Variants in SOX5 observed in about 807,000 individuals in gnomAD.
SOX5 encodes SRY-box transcription factor 5, also known as transcription factor SOX-5.
Under a neutral mutation model 92.0 loss-of-function variants are expected in SOX5, and 9 were observed. That is an observed-to-expected ratio of 0.10 (90% confidence interval 0.06 to 0.17). The LOEUF (loss-of-function observed/expected upper bound fraction) is 0.17, where lower values mean the gene tolerates loss of function less well. Among genes scored for constraint, SOX5 ranks in the 10% least tolerant of loss-of-function variants. SOX5 has a pLI of 1.00. For missense variants in SOX5, 642 were observed against 944.5 expected, an observed-to-expected ratio of 0.68 and a Z score of 4.20; for synonymous variants, 344 against 336.3, an observed-to-expected ratio of 1.02 and a Z score of -0.25.
intron 4 of SOX5, among the ~76,000 whole-genome samples, chr12:24,080,351 G>T (rs2137588978): frequency 6.6e-6 from 1 of 152,034 alleles, no homozygotes; most frequent in Admixed American, 6.6e-5. Context: ...ATAAATAAAT[G>T]TTGAATATCA....
At chr12:24,442,396 T>G (rs1227118159) in intron 1 of SOX5, among the ~76,000 whole-genome samples, 1 of 152,176 alleles carries the variant, frequency 6.6e-6, no homozygotes, top group Non-Finnish European at 1.5e-5. Context: ...GAACATTATA[T>G]TCTAGTGAGC....
intron 2 of SOX5, among the ~76,000 whole-genome samples, chr12:24,277,657 T>C (rs1944658017): frequency 6.6e-6 from 1 of 151,084 alleles, no homozygotes; most frequent in South Asian, 2.1e-4. Flanking sequence ...CTTGGCATTA[T>C]AAAGCCACCA....
intron 3 of SOX5, among the ~76,000 whole-genome samples, chr12:24,264,715 G>A (rs760640305): frequency 4.9e-4 from 75 of 152,136 alleles, no homozygotes; most frequent in Non-Finnish European, 2.1e-4. Flanking sequence ...AAATGTATCT[G>A]TAAATTCATG....
At chr12:24,341,100 A>G (rs2141068711) in intron 2 of SOX5, among the ~76,000 whole-genome samples, 1 of 152,344 alleles carries the variant, frequency 6.6e-6, no homozygotes, top group Middle Eastern at 3.4e-3. Context: ...TTGGGTTGTG[A>G]GGTAATTTCA....
At chr12:24,342,390 A>G (rs976290323) in intron 2 of SOX5, among the ~76,000 whole-genome samples, 3 of 152,186 alleles carry the variant, frequency 2.0e-5, no homozygotes, top group Non-Finnish European at 4.4e-5. Context: ...TCATTATCCT[A>G]TTAGATCTCT....
chr12:24,241,655 T>A (rs1965585963), intron 3 of SOX5, among the ~76,000 whole-genome samples: 1 of 152,198 alleles, frequency 6.6e-6, no homozygotes, highest in South Asian at 2.1e-4. Flanking sequence ...CTGAAAAATG[T>A]ACTTCACTTT....
At chr12:23,878,346 A>G (rs2096951471) in intron 2 of SOX5, among the ~76,000 whole-genome samples, 2 of 152,038 alleles carry the variant, frequency 1.3e-5, no homozygotes, top group Admixed American at 6.6e-5. Flanking sequence ...GTTTCTGTCA[A>G]CACCTCATAT....
chr12:24,414,615 G>A (rs1236509514), intron 1 of SOX5, among the ~76,000 whole-genome samples: 1 of 152,180 alleles, frequency 6.6e-6, no homozygotes, highest in Admixed American at 6.5e-5. Context: ...ACCCAGAGGT[G>A]CCACATGTGA....
chr12:24,561,498 A>G (rs1954333707), intron 1 of SOX5, among the ~76,000 whole-genome samples: 2 of 152,214 alleles, frequency 1.3e-5, no homozygotes, highest in South Asian at 4.1e-4. Context: ...ATCCAATTTG[A>G]TTTCAACTCG....
In SOX5 at chr12:24,452,306, C is replaced by T. The variant is rs148575589; in HGVS notation, c.-250-83667G>A. Among the ~76,000 whole-genome samples the T allele has an allele frequency of 1.1e-3, 174 of 152,240 alleles. 1 individual carries two copies. Among genetic ancestry groups the T allele is most frequent in the African/African-American group, 4.0e-3 (168 of 41,542 alleles). ...AAGCAATGATTTACATATTTAAAATCGAACTTATAAGGTAAAATGTGTAGT... is the reference window on the plus strand; with the variant it reads ...AAGCAATGATTTACATATTTAAAATTGAACTTATAAGGTAAAATGTGTAGT... On this transcript the variant is annotated intron_variant, in intron 1 of 4. Transcript: ENST00000446891.
intron 3 of SOX5, among the ~76,000 whole-genome samples, chr12:23,801,028 T>C (rs2095650938): frequency 6.6e-6 from 1 of 152,278 alleles, no homozygotes; most frequent in African/African-American, 2.4e-5. Flanking sequence ...AGGAAAACAC[T>C]ATACTGTTGC....
intron 6 of SOX5, among the ~76,000 whole-genome samples, chr12:23,703,421 C>G (rs2090941962): frequency 6.6e-6 from 1 of 151,968 alleles, no homozygotes; most frequent in Non-Finnish European, 1.5e-5. Context: ...TGGAAACATT[C>G]AAACAGGCAG....
intron 3 of SOX5, among the ~76,000 whole-genome samples, chr12:23,760,099 T>C (rs776208041): frequency 6.6e-6 from 1 of 152,234 alleles, no homozygotes; most frequent in African/African-American, 2.4e-5. Flanking sequence ...AATATCATGA[T>C]TACCTTCAAA....
intron 3 of SOX5, among the ~76,000 whole-genome samples, chr12:23,787,241 A>G (rs1040472300): frequency 4.6e-5 from 7 of 152,028 alleles, no homozygotes; most frequent in Non-Finnish European, 8.8e-5. Flanking sequence ...TTTAGGATAT[A>G]TGAAAGTAAC....
intron 4 of SOX5, among the ~76,000 whole-genome samples, chr12:24,041,158 C>A (rs968211393): frequency 2.6e-5 from 4 of 152,110 alleles, no homozygotes; most frequent in African/African-American, 9.7e-5. Flanking sequence ...GCTGAAGAAT[C>A]CCAAATACCA....
rs1237163216 is a variant in SOX5 at position 24,506,812 on chromosome 12, CG to C, written c.-251+55516del. Among the ~76,000 whole-genome samples the C allele has an allele frequency of 3.1e-3, 160 of 51,404 alleles. 5 individuals carry two copies. The Admixed American group carries it at 0.044, about 14-fold the overall frequency. The allele number at this position is 51,404 out of a possible 152,430, so 33.7% of individuals were successfully genotyped here. A position where few individuals can be genotyped will look rare whatever the true frequency, so the allele number is the denominator to read the frequency against. On this transcript the variant is annotated intron_variant, in intron 1 of 4. Coordinates refer to the SOX5 transcript ENST00000446891. Reference sequence around the variant, plus strand: ...TTTTTTTTTTTTTTTTTTTTGGAGACGGGAGTCTCGCTCTGTCGCCCAGGCT... The same window carrying C: ...TTTTTTTTTTTTTTTTTTTTGGAGACGGAGTCTCGCTCTGTCGCCCAGGCT...
At chr12:24,280,477 A>T (rs186778064) in intron 2 of SOX5, among the ~76,000 whole-genome samples, 1 of 152,344 alleles carries the variant, frequency 6.6e-6, no homozygotes, top group African/African-American at 2.4e-5. Flanking sequence ...ATATCATTTT[A>T]AAAACAAACA....
chr12:23,830,360 G>A (rs984686734), intron 3 of SOX5, among the ~76,000 whole-genome samples: 3 of 152,122 alleles, frequency 2.0e-5, no homozygotes, highest in Non-Finnish European at 4.4e-5. Flanking sequence ...CAAGAAGAGA[G>A]ACATTTTTCA....
chr12:24,390,582 C>A (rs1038708736), intron 1 of SOX5, among the ~76,000 whole-genome samples: 1 of 152,070 alleles, frequency 6.6e-6, no homozygotes, highest in African/African-American at 2.4e-5. Context: ...TACCCCGCAC[C>A]CTTCCAAGTT....
Sources: gnomAD v4.1 joint callset for allele counts (sites outside exome capture counted in the v4.1 genomes callset) on GRCh38, gnomAD v4.1.1 for gene constraint, MANE v1.5 for transcripts, NCBI Gene and HGNC (gene_info 2026-07-23, HGNC 2026-07-21) for gene names.